DRC12: variants seen among roughly 807,000 people sequenced by gnomAD.
DRC12 encodes the protein dynein regulatory complex protein 12.
the DRC12 span, chr11:119,195,700 C>A: frequency 1.7e-6 from 1 of 582,464 alleles, no homozygotes; most frequent in South Asian, 2.1e-5. Flanking sequence ...CAGGCTGACT[C>A]TGTACAGAAG....
chr11:119,194,441 G>T, the DRC12 span, among the ~76,000 whole-genome samples: 1 of 144,644 alleles, frequency 6.9e-6, no homozygotes, highest in Non-Finnish European at 1.5e-5. Context: ...TTGAACCTGG[G>T]AGGCAGAGGT....
chr11:119,190,506 G>A, the DRC12 span: 6 of 1,606,958 alleles, frequency 3.7e-6, no homozygotes, highest in Non-Finnish European at 5.1e-6. The surrounding 1 kb of genome is among the most constrained non-coding windows in gnomAD (Gnocchi z 4.2). Flanking sequence ...AGGAGTGAGT[G>A]CTGCCCCAGG....
At chr11:119,192,444 T>C in the DRC12 span, among the ~76,000 whole-genome samples, 1 of 152,336 alleles carries the variant, frequency 6.6e-6, no homozygotes, top group East Asian at 1.9e-4. Flanking sequence ...ATTTATTTGG[T>C]GAACAGTTAT....
chr11:119,192,540 A>G, the DRC12 span, among the ~76,000 whole-genome samples: 23 of 152,234 alleles, frequency 1.5e-4, no homozygotes, highest in African/African-American at 5.5e-4. Context: ...GAAATCAGCT[A>G]AACTAAAAGG....
At chr11:119,190,272 C>T in the DRC12 span, 129 of 1,613,656 alleles carry the variant, frequency 8.0e-5, no homozygotes, top group Non-Finnish European at 9.8e-5. This position sits in a 1 kb window ranked among gnomAD's most constrained non-coding sequence, Gnocchi z 4.2. Flanking sequence ...TACATCAAGA[C>T]ACTTTATTGC....
At chr11:119,195,790 ACTT>A in the DRC12 span, 1 of 295,014 alleles carries the variant, frequency 3.4e-6, no homozygotes, top group Non-Finnish European at 6.3e-6. Flanking sequence ...CTCAACCCTC[ACTT>A]CCTACCTGTA....
At chr11:119,190,738 A>G in the DRC12 span, 1 of 1,613,860 alleles carries the variant, frequency 6.2e-7, no homozygotes, top group Non-Finnish European at 8.5e-7. This position sits in a 1 kb window ranked among gnomAD's most constrained non-coding sequence, Gnocchi z 4.2. Context: ...CTTCGCCTCC[A>G]TGTCTGCCAT....
the DRC12 span, chr11:119,190,589 C>T: frequency 1.9e-6 from 3 of 1,549,116 alleles, no homozygotes; most frequent in Non-Finnish European, 2.6e-6. This position sits in a 1 kb window ranked among gnomAD's most constrained non-coding sequence, Gnocchi z 4.2. Flanking sequence ...TAGAGCAGGG[C>T]TCCCTTGGAG....
the DRC12 span, chr11:119,195,116 A>G: frequency 1.3e-6 from 1 of 789,686 alleles, no homozygotes; most frequent in Non-Finnish European, 2.1e-6. Context: ...TAAATGAGGT[A>G]TCCACAGTGG....
chr11:119,193,440 TC>T, the DRC12 span: 1 of 908,646 alleles, frequency 1.1e-6, no homozygotes, highest in Non-Finnish European at 1.6e-6. Flanking sequence ...CCGACCTACC[TC>T]CCCCAGTCCA....
chr11:119,195,467 T>C, the DRC12 span: 1 of 1,551,500 alleles, frequency 6.4e-7, no homozygotes, highest in East Asian at 2.4e-5. Context: ...TCTTCCCTTT[T>C]TCTTTGTTTT....
At chr11:119,193,162 C>T in the DRC12 span, 154 of 1,614,058 alleles carry the variant, frequency 9.5e-5, no homozygotes, top group East Asian at 1.5e-3. Context: ...TAGCTGCCCC[C>T]GAAGGCCTTT....
At chr11:119,194,872 C>T in the DRC12 span, 5 of 1,386,356 alleles carry the variant, frequency 3.6e-6, no homozygotes, top group Non-Finnish European at 5.0e-6. Flanking sequence ...ACAGAAATGC[C>T]CCATTTCACT....
the DRC12 span, chr11:119,195,468 T>C: frequency 6.4e-7 from 1 of 1,551,466 alleles, no homozygotes; most frequent in Non-Finnish European, 8.7e-7. Flanking sequence ...CTTCCCTTTT[T>C]CTTTGTTTTT....
At chr11:119,193,589 A>T in the DRC12 span, 1 of 1,435,022 alleles carries the variant, frequency 7.0e-7, no homozygotes, top group Non-Finnish European at 9.1e-7. Flanking sequence ...GATCCCAGGA[A>T]CCTACCTGCC....
chr11:119,193,469 T>C, the DRC12 span: 515 of 1,084,058 alleles, frequency 4.8e-4, 3 homozygotes, highest in East Asian at 8.6e-3. Flanking sequence ...ATGGGGATGC[T>C]AGCCCTTCTC....
chr11:119,193,319 TG>T, the DRC12 span: 4 of 1,251,620 alleles, frequency 3.2e-6, no homozygotes, highest in Non-Finnish European at 3.5e-6. Context: ...AAGTTGTGGG[TG>T]GGGAAGACTC....
the DRC12 span, chr11:119,193,199 G>A: frequency 6.8e-6 from 11 of 1,613,982 alleles, no homozygotes; most frequent in South Asian, 6.6e-5. Context: ...TGCTTGCTGC[G>A]GGTTTGCATA....
the DRC12 span, chr11:119,194,944 CCTT>C: frequency 1.3e-6 from 2 of 1,551,486 alleles, no homozygotes; most frequent in Non-Finnish European, 1.7e-6. Context: ...CGGAGCAGCT[CCTT>C]CTCCAGCACC....
Sources: gnomAD v4.1 joint callset for allele counts (sites outside exome capture counted in the v4.1 genomes callset) on GRCh38, gnomAD v4.1.1 for gene constraint, Gnocchi (gnomAD v3.1) non-coding constraint, MANE v1.5 for transcripts, NCBI Gene and HGNC (gene_info 2026-07-23, HGNC 2026-07-21) for gene names.